The following MAGI2 variants were observed in gnomAD, a reference collection of about 807,000 sequenced individuals.
MAGI2 encodes membrane-associated guanylate kinase, WW and PDZ domain-containing protein 2.
A neutral mutation model predicts 133.3 loss-of-function variants in MAGI2; 35 were observed. The observed-to-expected ratio is 0.26, with a 90% CI of 0.20 to 0.35. MAGI2 has a LOEUF of 0.35. MAGI2 is among the 10% of genes least tolerant of loss of function. MAGI2 has a pLI of 1.00. For missense variants in MAGI2, 1,636 were observed against 1,863.4 expected (o/e 0.88, Z 2.25); for synonymous variants, 729 against 710.6 (o/e 1.03, Z -0.41).
intron 1 of MAGI2, among the ~76,000 whole-genome samples, chr7:79,385,857 A>G (rs972219990): frequency 3.9e-5 from 6 of 152,122 alleles, no homozygotes; most frequent in Middle Eastern, 3.4e-3. Flanking sequence ...TTACGAAGAA[A>G]GTAACTGTGA....
intron 9 of MAGI2, among the ~76,000 whole-genome samples, chr7:78,264,367 G>A (rs1793797213): frequency 6.6e-6 from 1 of 152,170 alleles, no homozygotes; most frequent in African/African-American, 2.4e-5. Context: ...TTGAGTTGAG[G>A]ACTCTTTTGT....
At chr7:79,158,288 G>A (rs1302469937) in intron 1 of MAGI2, among the ~76,000 whole-genome samples, 3 of 151,856 alleles carry the variant, frequency 2.0e-5, no homozygotes, top group Non-Finnish European at 1.5e-5. Context: ...TGTACACAAC[G>A]TTTCACTACT....
At chr7:78,649,064 G>A (rs949810471) in intron 2 of MAGI2, among the ~76,000 whole-genome samples, 6 of 151,566 alleles carry the variant, frequency 4.0e-5, no homozygotes, top group African/African-American at 1.2e-4. Context: ...TTCTTCAGCC[G>A]CAGCATTCTG....
chr7:79,410,403 G>A (rs898541807), intron 1 of MAGI2: 1 of 152,126 alleles, frequency 6.6e-6, no homozygotes, highest in East Asian at 1.9e-4. Context: ...ATCCAACAGT[G>A]TGTTTCACAT....
chr7:79,012,521 A>G (rs925117532), intron 1 of MAGI2, among the ~76,000 whole-genome samples: 1 of 152,062 alleles, frequency 6.6e-6, no homozygotes, highest in African/African-American at 2.4e-5. Flanking sequence ...TATTCATTTT[A>G]TATCTTCTCC....
intron 6 of MAGI2, among the ~76,000 whole-genome samples, chr7:78,470,091 T>C (rs934475713): frequency 1.3e-5 from 2 of 152,110 alleles, no homozygotes; most frequent in African/African-American, 2.4e-5. Context: ...CATGCATCTT[T>C]CTCACTGTCA....
intron 1 of MAGI2, among the ~76,000 whole-genome samples, chr7:79,077,599 ATAAATAAAT>A (rs1815642859): frequency 1.1e-5 from 1 of 87,318 alleles, no homozygotes; most frequent in Admixed American, 1.3e-4. Flanking sequence ...AAAAAAATAA[ATAAATAAAT>A]AAATTCCCTT....
chr7:78,647,981 C>T (rs1811078975), intron 2 of MAGI2, among the ~76,000 whole-genome samples: 1 of 152,130 alleles, frequency 6.6e-6, no homozygotes, highest in Non-Finnish European at 1.5e-5. Context: ...GAACATTACA[C>T]TCCAGGGCCT....
chr7:78,307,876 C>G lies in MAGI2; in HGVS notation c.1408+35902G>C, dbSNP rs1045409495. ...TAGAATGAGCAAAGATGAGAGGAGT[C>G]TTTGAAAAGAGGGGCCCTCATTATT... On this transcript the variant is annotated intron_variant, in intron 9 of 21. Transcript: ENST00000354212. 2.6e-5 allele frequency among the ~76,000 whole-genome samples: 4 copies of G among 152,226 alleles called. No individual in the cohort carries two copies. The East Asian group carries it at 5.8e-4, about 22-fold the overall frequency.
At chr7:78,865,704 A>G (rs1794499235) in intron 2 of MAGI2, among the ~76,000 whole-genome samples, 1 of 152,224 alleles carries the variant, frequency 6.6e-6, no homozygotes, top group South Asian at 2.1e-4. Flanking sequence ...GCATTTTGTT[A>G]TGAAGAATGG....
intron 14 of MAGI2, among the ~76,000 whole-genome samples, chr7:78,176,924 C>CACACACACAT (rs979823200): frequency 7.3e-5 from 11 of 150,810 alleles, no homozygotes; most frequent in Non-Finnish European, 1.3e-4. Context: ...CACACACACA[C>CACACACACAT]ACACACACAC....
At chr7:78,459,050 A>G (rs1789675829) in intron 6 of MAGI2, among the ~76,000 whole-genome samples, 1 of 152,258 alleles carries the variant, frequency 6.6e-6, no homozygotes, top group Admixed American at 6.5e-5. Flanking sequence ...TTGATAAAAG[A>G]GCATTCAAAG....
intron 1 of MAGI2, among the ~76,000 whole-genome samples, chr7:79,403,179 G>C (rs1040230860): frequency 6.6e-6 from 1 of 152,120 alleles, no homozygotes; most frequent in African/African-American, 2.4e-5. Context: ...CTTAAATAGT[G>C]TTAATGCAGC....
At chr7:78,226,602 C>T (rs1466777681) in intron 10 of MAGI2, among the ~76,000 whole-genome samples, 1 of 152,174 alleles carries the variant, frequency 6.6e-6, no homozygotes, top group African/African-American at 2.4e-5. Context: ...CTCCCACCAC[C>T]GAAATTATAT....
At chr7:79,118,188 C>T (rs890978938) in intron 1 of MAGI2, among the ~76,000 whole-genome samples, 1 of 152,126 alleles carries the variant, frequency 6.6e-6, no homozygotes, top group African/African-American at 2.4e-5. Context: ...CCAGGACAGT[C>T]CTGATTTATG....
intron 20 of MAGI2, among the ~76,000 whole-genome samples, chr7:78,096,800 C>T (rs1363380521): frequency 1.3e-5 from 2 of 151,920 alleles, no homozygotes; most frequent in African/African-American, 4.8e-5. Flanking sequence ...AAAAAGTTTG[C>T]CCAAAGGCAA....
intron 2 of MAGI2, among the ~76,000 whole-genome samples, chr7:78,827,425 C>T (rs895958099): frequency 7.3e-5 from 11 of 150,004 alleles, no homozygotes; most frequent in Admixed American, 6.7e-4. Flanking sequence ...ACTACAGGTG[C>T]ACACCACCAT....
chr7:78,113,043 C>G (rs1349929987), intron 20 of MAGI2, among the ~76,000 whole-genome samples: 1 of 151,956 alleles, frequency 6.6e-6, no homozygotes, highest in Non-Finnish European at 1.5e-5. Flanking sequence ...TGTGCAAAAG[C>G]CCCATGGGCA....
intron 10 of MAGI2, among the ~76,000 whole-genome samples, chr7:78,219,311 C>A (rs568465230): frequency 6.6e-6 from 1 of 152,192 alleles, no homozygotes; most frequent in Non-Finnish European, 1.5e-5. Context: ...TTCCCTCACT[C>A]ATTCATTTAC....
Sources: gnomAD v4.1 joint callset for allele counts (sites outside exome capture counted in the v4.1 genomes callset) on GRCh38, gnomAD v4.1.1 for gene constraint, MANE v1.5 for transcripts, NCBI Gene and HGNC (gene_info 2026-07-23, HGNC 2026-07-21) for gene names.